NHP2: variants seen among roughly 807,000 people sequenced by gnomAD.
NHP2 encodes NHP2 ribonucleoprotein.
Under a neutral mutation model 16.7 loss-of-function variants are expected in NHP2, and 10 were observed. That is an observed-to-expected ratio of 0.60 (90% confidence interval 0.37 to 1.01). The LOEUF (loss-of-function observed/expected upper bound fraction) is 1.01, where lower values mean the gene tolerates loss of function less well. Among genes scored for constraint, NHP2 ranks in the 50% least tolerant of loss-of-function variants. The probability of loss-of-function intolerance (pLI) is 0.01; values close to 1 mark genes in which losing one functional copy is unlikely to be tolerated. For synonymous variants in NHP2, 87 were observed against 78.9 expected, an observed-to-expected ratio of 1.10 and a Z score of -0.54; for missense variants, 184 against 198.3, an observed-to-expected ratio of 0.93 and a Z score of 0.43.
rs561948156 is a variant in NHP2, at chr5:178,149,836, G to A, written c.339C>T (p.Asp113=). The A allele has an allele frequency of 1.1e-5, 18 of 1,613,584 alleles. No individual in the cohort carries two copies. The highest frequency in any genetic ancestry group is 6.6e-5 in the South Asian group (6 of 90,998). ...GCTTGGAGCCTGCGGCTGCACCCAG[G>A]TCCTACAGAGGGGAAAGAAGTGCTG... is the stretch of plus-strand genomic sequence containing the variant. ...LPYVYIPSKT[D]LGAAAGSKRP... Residue 113 remains aspartate, a splice_region_variant and synonymous_variant, in exon 4 of 4, where the codon GAC becomes GAT. Transcript: ENST00000274606.
chr5:178,151,503 G>A (rs1409455856), intron 2 of NHP2, among the ~76,000 whole-genome samples: 1 of 152,194 alleles, frequency 6.6e-6, no homozygotes, highest in East Asian at 1.9e-4. Context: ...TCAAGGCTGG[G>A]GGGCAAGGGC....
Position 178,153,577 on chromosome 5 carries a change from G to A in NHP2, c.161-17C>T, listed in dbSNP as rs890009544. ...GCTTCACCGCTGCAACGACAGAAGA[G>A]TCGGTCGGGGGCCTCGCTCAGCCAC... On this transcript the variant is annotated splice_polypyrimidine_tract_variant and intron_variant, in intron 1 of 3. Coordinates refer to ENST00000274606, the MANE Select transcript of NHP2 (RefSeq NM_017838.4). The A allele has an allele frequency of 6.2e-7, 1 of 1,613,628 alleles. No individual in the cohort carries two copies. The highest frequency in any genetic ancestry group is 8.5e-7 in the Non-Finnish European group (1 of 1,179,512).
At chr5:178,150,717 G>A in intron 3 of NHP2, 171 bp downstream of exon 3, 1 of 756,704 alleles carries the variant, frequency 1.3e-6, no homozygotes, top group Non-Finnish European at 2.4e-6. Flanking sequence ...GAACTGAAAT[G>A]CAAGAAGTAA....
intron 3 of NHP2, chr5:178,150,365 A>G (rs1756238217): frequency 3.8e-6 from 1 of 261,196 alleles, no homozygotes; most frequent in South Asian, 4.1e-5. Context: ...TAGGTACCCA[A>G]GATCCACCCC....
chr5:178,150,069 C>G, intron 3 of NHP2: 2 of 444,556 alleles, frequency 4.5e-6, no homozygotes, highest in Non-Finnish European at 8.2e-6. Flanking sequence ...TATGAAAGGG[C>G]TCCAGCCCAG....
In NHP2 at chr5:178,149,633, G is replaced by T; in HGVS notation, c.*80C>A. ...AACTGGGAAGATGCCGTCAGTGTGG[G>T]TGGGCAGGAGGACAGCCAGTCGTCC... On this transcript the variant is annotated 3_prime_UTR_variant, in exon 4 of 4. Transcript: ENST00000274606. The T allele has an allele frequency of 6.3e-7, 1 of 1,589,924 alleles. No homozygotes were observed. Among genetic ancestry groups the T allele is most frequent in the Non-Finnish European group, 8.6e-7 (1 of 1,163,532 alleles).
In NHP2 at chr5:178,153,687, G is replaced by A. The variant is rs1756332802; in HGVS notation, c.131C>T (p.Thr44Met). ...CTTGATGCATTTGTAGAGCTTCCGC[G>A]TGAGGCGGCGAGAAGCCAGGGGCTG... ...IAQPLASRRL[T>M]RKLYKCIKKA... The change falls in exon 1 of 4, where the codon ACG (threonine) becomes ATG (methionine). Residue 44 changes from threonine to methionine, a missense_variant. Physicochemically the swap from Thr to Met is moderately conservative, Grantham distance 81 (BLOSUM62 -1). Coordinates refer to ENST00000274606, the MANE Select transcript of NHP2 (RefSeq NM_017838.4). 3.7e-6 allele frequency: 6 copies of A among 1,613,904 alleles called. No individual in the cohort carries two copies. The highest frequency in any genetic ancestry group is 1.1e-5 in the South Asian group (1 of 91,076).
At chr5:178,152,706 C>T (rs1363149997) in intron 2 of NHP2, among the ~76,000 whole-genome samples, 1 of 152,214 alleles carries the variant, frequency 6.6e-6, no homozygotes, top group East Asian at 1.9e-4. Flanking sequence ...TCTATCACAA[C>T]GTGTAATTAG....
intron 2 of NHP2, 60 bp downstream of exon 2, chr5:178,153,431 A>G: frequency 6.4e-7 from 1 of 1,565,560 alleles, no homozygotes; most frequent in African/African-American, 1.3e-5. Context: ...GCGCCTACTA[A>G]GTAGAGATTT....
chr5:178,151,817 T>C (rs1352816277), intron 2 of NHP2, among the ~76,000 whole-genome samples: 1 of 152,080 alleles, frequency 6.6e-6, no homozygotes, highest in African/African-American at 2.4e-5. Context: ...CCCTCTCTCT[T>C]CCATGCTCCA....
At chr5:178,153,245 G>A (rs769016467) in intron 2 of NHP2, 3 of 577,410 alleles carry the variant, frequency 5.2e-6, no homozygotes, top group South Asian at 4.0e-5. Flanking sequence ...AATTAATGAA[G>A]GTGGGTTTAC....
Position 178,150,801 on chromosome 5 carries a change from C to A in NHP2, c.336+87G>T, listed in dbSNP as rs774994802. 28 of 891,898 alleles carry A rather than the reference C, an allele frequency of 3.1e-5. No individual in the cohort carries two copies. The Admixed American group carries it at 4.7e-4, about 15-fold the overall frequency. 55.2% of individuals were successfully genotyped at this position (891,898 alleles called of 1,614,324 possible). ...CAGGCCTGTCTTAGCTCCAACACTC[C>A]TGGCTCTTTCCCACACTCTCCTGCT... On this transcript the variant is annotated intron_variant, in intron 3 of 3. Transcript: ENST00000274606.
chr5:178,149,475 C>G lies in NHP2; in HGVS notation c.*238G>C. 1 of 504,954 alleles carries G rather than the reference C, an allele frequency of 2.0e-6. No individual in the cohort carries two copies. Among genetic ancestry groups the G allele is most frequent in the South Asian group, 2.0e-5 (1 of 48,786 alleles). The allele number at this position is 504,954 out of a possible 1,614,324, so 31.3% of individuals were successfully genotyped here. ...CAGACTCACCACATTTTAGTCTTAG[C>G]ATTTACTTTCCCCACCCCACATTCT... is the stretch of plus-strand genomic sequence containing the variant. On this transcript the variant is annotated 3_prime_UTR_variant, in exon 4 of 4. Coordinates refer to ENST00000274606, the MANE Select transcript of NHP2 (RefSeq NM_017838.4).
chr5:178,153,646 C>A lies in NHP2; in HGVS notation c.160+12G>T. ...CGCGCACCCATCCCGGCCACGCCGCCGTCCGCCTCACCTTTCTTGATGCAT... is the reference window on the plus strand; with the variant it reads ...CGCGCACCCATCCCGGCCACGCCGCAGTCCGCCTCACCTTTCTTGATGCAT... On this transcript the variant is annotated intron_variant, in intron 1 of 3. Transcript: ENST00000274606. 3.7e-6 allele frequency: 6 copies of A among 1,613,826 alleles called. No homozygotes were observed. Among genetic ancestry groups the A allele is most frequent in the Non-Finnish European group, 5.1e-6 (6 of 1,179,812 alleles).
intron 2 of NHP2, among the ~76,000 whole-genome samples, chr5:178,152,483 A>G (rs2113473696): frequency 6.6e-6 from 1 of 151,952 alleles, no homozygotes. Context: ...GTTGAGCATC[A>G]AGTCTGCCCA....
intron 3 of NHP2, 190 bp downstream of exon 3, chr5:178,150,698 A>T: frequency 1.4e-6 from 1 of 731,868 alleles, no homozygotes; most frequent in Non-Finnish European, 2.5e-6. Context: ...TTCCCACTTT[A>T]CAAGATGGGA....
chr5:178,149,985 T>G (rs1233879471), intron 3 of NHP2, 147 bp from the exon 4 acceptor site: 5 of 847,294 alleles, frequency 5.9e-6, no homozygotes, highest in Non-Finnish European at 9.1e-6. Flanking sequence ...TTGAATTGGT[T>G]GCCATCATTT....
intron 1 of NHP2, 48 bp downstream of exon 1, chr5:178,153,609 AC>A: frequency 6.2e-7 from 1 of 1,613,276 alleles, no homozygotes; most frequent in Non-Finnish European, 8.5e-7. Context: ...CCACCCGCGC[AC>A]CCATCCCACC....
intron 2 of NHP2, chr5:178,153,159 T>A (rs775748293): frequency 7.0e-6 from 3 of 430,210 alleles, no homozygotes; most frequent in Non-Finnish European, 1.3e-5. Flanking sequence ...GGACTGAGAT[T>A]CAGGGCTGAG....
Sources: gnomAD v4.1 joint callset for allele counts (sites outside exome capture counted in the v4.1 genomes callset) on GRCh38, gnomAD v4.1.1 for gene constraint, MANE v1.5 for transcripts, NCBI Gene and HGNC (gene_info 2026-07-23, HGNC 2026-07-21) for gene names.